The following SDK1 variants were observed in gnomAD, a reference collection of about 807,000 sequenced individuals.
The protein encoded by SDK1 is protein sidekick-1.
A neutral mutation model predicts 245.5 loss-of-function variants in SDK1; 157 were observed. The ratio of observed to expected loss-of-function variants is 0.64; its 90% CI spans 0.56 to 0.73. SDK1 has a LOEUF of 0.73. Among genes scored for constraint, SDK1 ranks in the 30% least tolerant of loss-of-function variants. The pLI, the probability that SDK1 is intolerant of heterozygous loss-of-function variation, is 0.00. For synonymous variants in SDK1, 1,647 were observed against 1,278.5 expected, an observed-to-expected ratio of 1.29 and a Z score of -6.15; for missense variants, 3,583 against 3,002.3, an observed-to-expected ratio of 1.19 and a Z score of -4.52.
At chr7:3,858,617 T>C (rs1053966103) in intron 5 of SDK1, among the ~76,000 whole-genome samples, 1 of 151,976 alleles carries the variant, frequency 6.6e-6, no homozygotes, top group African/African-American at 2.4e-5. Flanking sequence ...TTTGTTGTTG[T>C]GTAGCAGGGG....
At chr7:3,716,317 A>T (rs890442194) in intron 4 of SDK1, among the ~76,000 whole-genome samples, 3 of 152,200 alleles carry the variant, frequency 2.0e-5, no homozygotes, top group Non-Finnish European at 4.4e-5. Context: ...AATGAATCAC[A>T]ATAGACCCTA....
intron 4 of SDK1, among the ~76,000 whole-genome samples, chr7:3,815,893 A>G (rs1271225139): frequency 2.0e-5 from 3 of 146,972 alleles, no homozygotes; most frequent in African/African-American, 5.3e-5. Context: ...ATAACAAACT[A>G]TCTCTCAGAC....
chr7:3,821,561 A>C lies in SDK1; in HGVS notation c.825A>C (p.Pro275=), dbSNP rs759493566. ...NEKNGENKTS[P]FIHLSIARDV... is the part of the protein sequence containing the mutation. ...AAAATGGAGAAAACAAGACAAGCCC[A>C]TTCATTCATTTGAGCATAGCAAGTG... The change falls in exon 5 of 45, where the codon CCA becomes CCC. Residue 275 remains proline, a synonymous_variant. Coordinates refer to ENST00000404826, the MANE Select transcript of SDK1 (RefSeq NM_152744.4). 1 of 1,613,794 alleles carries C rather than the reference A, an allele frequency of 6.2e-7. No individual in the cohort carries two copies. Among genetic ancestry groups the C allele is most frequent in the Non-Finnish European group, 8.5e-7 (1 of 1,179,870 alleles).
chr7:3,931,502 T>C (rs796121786), intron 5 of SDK1, among the ~76,000 whole-genome samples: 6 of 152,296 alleles, frequency 3.9e-5, no homozygotes, highest in African/African-American at 1.2e-4. Context: ...CCCAAAACAA[T>C]AAAGAGTAAG....
At chr7:3,777,865 G>A (rs1008477519) in intron 4 of SDK1, among the ~76,000 whole-genome samples, 4 of 152,128 alleles carry the variant, frequency 2.6e-5, no homozygotes, top group Non-Finnish European at 5.9e-5. Context: ...AAAAATATAG[G>A]TCAATTACAA....
At chr7:4,007,109 C>G (rs552939496) in intron 14 of SDK1, among the ~76,000 whole-genome samples, 4 of 152,276 alleles carry the variant, frequency 2.6e-5, no homozygotes, top group East Asian at 1.9e-4. Context: ...AAGGGATGGA[C>G]GAAGAGCTTT....
At chr7:3,601,877 T>G (rs1475145523) in intron 1 of SDK1, among the ~76,000 whole-genome samples, 1 of 144,414 alleles carries the variant, frequency 6.9e-6, no homozygotes, top group East Asian at 2.1e-4. Context: ...CCTTCCTGTG[T>G]CCATGTGTTA....
In SDK1 at chr7:3,520,086, G is replaced by T. The variant is rs530522064; in HGVS notation, c.299-98994G>T. Among the ~76,000 whole-genome samples the T allele has an allele frequency of 4.2e-4, 64 of 152,262 alleles. 1 individual carries two copies. Among genetic ancestry groups the T allele is most frequent in the Admixed American group, 2.7e-3 (41 of 15,280 alleles). On this transcript the variant is annotated intron_variant, in intron 1 of 44. Coordinates refer to ENST00000404826, the MANE Select transcript of SDK1 (RefSeq NM_152744.4). ...TATTAAAGTTACTGCATTTAATTCT[G>T]TTTTTGCCATTGTGTCAGGCAAGTA... is the stretch of plus-strand genomic sequence containing the variant.
chr7:3,554,320 A>C (rs532160939), intron 1 of SDK1, among the ~76,000 whole-genome samples: 24 of 152,330 alleles, frequency 1.6e-4, no homozygotes, highest in Admixed American at 2.6e-4. Flanking sequence ...AAACAGGTAA[A>C]AATGAAACAA....
At chr7:3,874,588 A>T (rs1350250506) in intron 5 of SDK1, among the ~76,000 whole-genome samples, 1 of 151,560 alleles carries the variant, frequency 6.6e-6, no homozygotes, top group African/African-American at 2.4e-5. Flanking sequence ...CAGGGGTAGA[A>T]CTCCTTCTCC....
At chr7:3,430,587 A>C (rs1170580216) in intron 1 of SDK1, among the ~76,000 whole-genome samples, 1 of 152,128 alleles carries the variant, frequency 6.6e-6, no homozygotes, top group East Asian at 1.9e-4. Context: ...CTCCTGTCCT[A>C]TGTGACAGTC....
intron 22 of SDK1, among the ~76,000 whole-genome samples, chr7:4,091,719 G>T (rs1202312019): frequency 1.3e-5 from 2 of 152,074 alleles, no homozygotes; most frequent in African/African-American, 2.4e-5. Context: ...TTCACTGGCA[G>T]GCCAGTGTAG....
Position 3,487,528 on chromosome 7 carries a change from G to A in SDK1, c.299-131552G>A, listed in dbSNP as rs1469673200. On this transcript the variant is annotated intron_variant, in intron 1 of 44. Transcript: ENST00000404826. ...AGGCCAAGGTAAACAGATCACCTGA[G>A]CCCAGGAGTTCGAGACCAGCTTGGG... is the stretch of plus-strand genomic sequence containing the variant. 2.0e-5 allele frequency among the ~76,000 whole-genome samples: 3 copies of A among 151,966 alleles called. No homozygotes were observed. In the East Asian group the frequency reaches 5.8e-4, roughly 29 times the overall value.
chr7:3,750,337 A>C (rs1049718463), intron 4 of SDK1, among the ~76,000 whole-genome samples: 12 of 152,232 alleles, frequency 7.9e-5, no homozygotes, highest in Non-Finnish European at 1.6e-4. Flanking sequence ...GAAGTCTACT[A>C]TCCTGTGCTC....
chr7:3,440,692 A>G (rs1366239564), intron 1 of SDK1, among the ~76,000 whole-genome samples: 1 of 152,208 alleles, frequency 6.6e-6, no homozygotes, highest in Non-Finnish European at 1.5e-5. Context: ...TAAGAAGGAA[A>G]GAGAAAAATA....
intron 7 of SDK1, chr7:3,958,110 A>G (rs1781407996): frequency 2.4e-6 from 1 of 417,662 alleles, no homozygotes. Flanking sequence ...ATTCAACACA[A>G]TTATAATGAA....
At chr7:4,194,581 G>T (rs569454310) in intron 35 of SDK1, among the ~76,000 whole-genome samples, 1 of 152,220 alleles carries the variant, frequency 6.6e-6, no homozygotes, top group East Asian at 1.9e-4. Context: ...GATCCAGTCC[G>T]AGCCTCAAAA....
intron 32 of SDK1, among the ~76,000 whole-genome samples, chr7:4,166,433 G>T (rs1418180489): frequency 6.6e-6 from 1 of 152,264 alleles, no homozygotes; most frequent in East Asian, 1.9e-4. Flanking sequence ...GGCCAGAGGG[G>T]CACCTGAATG....
intron 1 of SDK1, among the ~76,000 whole-genome samples, chr7:3,564,616 A>G (rs912096451): frequency 6.6e-6 from 1 of 152,192 alleles, no homozygotes; most frequent in Non-Finnish European, 1.5e-5. Context: ...AAAGCTAAAT[A>G]AAATGAATAA....
Sources: allele counts gnomAD v4.1 joint callset (sites outside exome capture counted in the v4.1 genomes callset), GRCh38; gene constraint gnomAD v4.1.1; transcripts MANE v1.5; gene names NCBI Gene and HGNC (gene_info 2026-07-23, HGNC 2026-07-21).